Variants in DNAJC25 observed in about 807,000 individuals in gnomAD.
The protein encoded by DNAJC25 is DnaJ heat shock protein family (Hsp40) member C25, also known as dnaJ homolog subfamily C member 25.
DNAJC25 carries 26 observed loss-of-function variants against 42.1 expected under a neutral mutation model. The ratio of observed to expected loss-of-function variants is 0.62; its 90% CI spans 0.45 to 0.86. DNAJC25 has a LOEUF of 0.86. Ranked by LOEUF, DNAJC25 falls within the 40% of genes least tolerant of loss-of-function variation. DNAJC25 has a pLI of 0.00. For missense variants in DNAJC25, 404 were observed against 459.4 expected (o/e 0.88, Z 1.10); for synonymous variants, 189 against 179.9 (o/e 1.05, Z -0.40).
intron 1 of DNAJC25, among the ~76,000 whole-genome samples, chr9:111,643,837 C>A (rs1166187132): frequency 5.9e-5 from 9 of 151,976 alleles, no homozygotes; most frequent in Non-Finnish European, 1.2e-4. Flanking sequence ...GATGGTCCTT[C>A]TTATTATGTC....
At chr9:111,645,046 A>G (rs1026995326) in intron 1 of DNAJC25, among the ~76,000 whole-genome samples, 1 of 152,252 alleles carries the variant, frequency 6.6e-6, no homozygotes, top group South Asian at 2.1e-4. Context: ...AGAACATACA[A>G]GGAGTGAATC....
At chr9:111,652,746 C>G (rs1589350160) in intron 3 of DNAJC25, among the ~76,000 whole-genome samples, 1 of 151,496 alleles carries the variant, frequency 6.6e-6, no homozygotes, top group East Asian at 2.0e-4. Context: ...GGGGTTTCAC[C>G]ATGTTGGCCA....
intron 2 of DNAJC25, among the ~76,000 whole-genome samples, chr9:111,649,214 T>C (rs186942625): frequency 6.6e-6 from 1 of 152,338 alleles, no homozygotes; most frequent in Non-Finnish European, 1.5e-5. Flanking sequence ...GGTCACTGAC[T>C]GCAGCAGTGA....
At chr9:111,642,584 A>G (rs1244579949) in intron 1 of DNAJC25, among the ~76,000 whole-genome samples, 1 of 137,588 alleles carries the variant, frequency 7.3e-6, no homozygotes, top group Non-Finnish European at 1.5e-5. Context: ...CCCCTCTGTG[A>G]GAAACACCCA....
At chr9:111,640,615 G>A (rs1213599836) in intron 1 of DNAJC25, among the ~76,000 whole-genome samples, 77 of 55,870 alleles carry the variant, frequency 1.4e-3, no homozygotes, top group African/African-American at 2.3e-3. Context: ...CTGCCCGGCC[G>A]AGACCCCGTC....
chr9:111,633,666 ATGT>A (rs1830321035), intron 1 of DNAJC25, among the ~76,000 whole-genome samples: 1 of 152,148 alleles, frequency 6.6e-6, no homozygotes, highest in African/African-American at 2.4e-5. Context: ...AATGGTGAGC[ATGT>A]TGGTAAGAAC....
At position 111,654,338 on chromosome 9, in the gene DNAJC25, A is replaced by T. The variant is rs1357262071; in HGVS notation, c.*1116A>T. ...ATTGCTTCATATTAATAAAATGGTT[A>T]CAATATATCACAAGTTTGTTGATAT... On this transcript the variant is annotated 3_prime_UTR_variant, in exon 4 of 4. Coordinates refer to ENST00000313525, the MANE Select transcript of DNAJC25 (RefSeq NM_001015882.3). The T allele has an allele frequency of 6.6e-6, 1 of 152,250 alleles. No homozygotes were observed. The highest frequency in any genetic ancestry group is 1.5e-5 in the Non-Finnish European group (1 of 68,046). 9.4% of individuals were successfully genotyped at this position (152,250 alleles called of 1,614,324 possible). A position where few individuals can be genotyped will look rare whatever the true frequency, so the allele number is the denominator to read the frequency against.
chr9:111,643,303 A>G (rs1350869828), intron 1 of DNAJC25, among the ~76,000 whole-genome samples: 1 of 152,230 alleles, frequency 6.6e-6, no homozygotes, highest in Non-Finnish European at 1.5e-5. Context: ...CGTTTTTGAA[A>G]TAATGTTTAC....
At position 111,651,157 on chromosome 9, in the gene DNAJC25, G is replaced by A. The variant is rs1198037415; in HGVS notation, c.960+1234G>A. On this transcript the variant is annotated intron_variant, in intron 3 of 3. Coordinates refer to ENST00000313525, the MANE Select transcript of DNAJC25 (RefSeq NM_001015882.3). Reference sequence around the variant, plus strand: ...TGCGTGCATGTAATCCTAGCTACTCGGGAGGCTGAGGCAGGAGAATCACTC... The same window carrying A: ...TGCGTGCATGTAATCCTAGCTACTCAGGAGGCTGAGGCAGGAGAATCACTC... 2.6e-5 allele frequency among the ~76,000 whole-genome samples: 4 copies of A among 151,292 alleles called. No individual in the cohort carries two copies. In the South Asian group the frequency reaches 6.3e-4, roughly 24 times the overall value.
At chr9:111,635,895 A>T (rs928811412) in intron 1 of DNAJC25, among the ~76,000 whole-genome samples, 10 of 152,102 alleles carry the variant, frequency 6.6e-5, no homozygotes, top group Non-Finnish European at 1.0e-4. Flanking sequence ...GCAAAAAACG[A>T]TTCTGAACTC....
chr9:111,649,355 T>A, intron 2 of DNAJC25, 98 bp from the exon 3 acceptor site: 3 of 1,438,556 alleles, frequency 2.1e-6, no homozygotes, highest in Non-Finnish European at 2.7e-6. Flanking sequence ...TTGTAATGGT[T>A]TCTTGGGAGA....
At chr9:111,645,782 C>G (rs913869117) in intron 1 of DNAJC25, among the ~76,000 whole-genome samples, 3 of 150,340 alleles carry the variant, frequency 2.0e-5, no homozygotes, top group African/African-American at 7.5e-5. Context: ...ATTCATTCCT[C>G]TAAGATAAAA....
chr9:111,637,863 A>G (rs551031913), intron 1 of DNAJC25, among the ~76,000 whole-genome samples: 1 of 152,258 alleles, frequency 6.6e-6, no homozygotes, highest in African/African-American at 2.4e-5. Context: ...TGTCCTCGCC[A>G]TTTCTTTTCA....
intron 1 of DNAJC25, among the ~76,000 whole-genome samples, chr9:111,632,170 T>C: frequency 7.2e-6 from 1 of 138,778 alleles, no homozygotes; most frequent in East Asian, 2.5e-4. Flanking sequence ...GGAAATAGTG[T>C]TAATGGTGAC....
intron 1 of DNAJC25, among the ~76,000 whole-genome samples, chr9:111,641,683 G>GT (rs1564084706): frequency 1.4e-4 from 8 of 57,290 alleles, no homozygotes; most frequent in South Asian, 6.4e-4. Flanking sequence ...GTGGGGGGGG[G>GT]GTCAGCCCCC....
chr9:111,650,578 A>C (rs188507329), intron 3 of DNAJC25, among the ~76,000 whole-genome samples: 1 of 152,344 alleles, frequency 6.6e-6, no homozygotes, highest in Non-Finnish European at 1.5e-5. Context: ...TATCATAATG[A>C]CACTGTTTTA....
At chr9:111,636,991 G>A (rs116619767) in intron 1 of DNAJC25, among the ~76,000 whole-genome samples, 1 of 152,230 alleles carries the variant, frequency 6.6e-6, no homozygotes, top group African/African-American at 2.4e-5. Context: ...GCCATGACTG[G>A]CTGACATGAT....
In DNAJC25 at chr9:111,631,627, C is replaced by T; in HGVS notation, c.220C>T (p.Arg74Trp). 3 of 1,500,318 alleles carry T rather than the reference C, an allele frequency of 2.0e-6. No individual in the cohort carries two copies. The highest frequency in any genetic ancestry group is 1.4e-5 in the African/African-American group (1 of 68,966). The allele number at this position is 1,500,318 out of a possible 1,614,324, so 92.9% of individuals were successfully genotyped here. A position where few individuals can be genotyped will look rare whatever the true frequency, so the allele number is the denominator to read the frequency against. Reference protein sequence around the residue: ...EIARAYRQLARRYHPDRYRPQ... With the variant: ...EIARAYRQLAWRYHPDRYRPQ... ...CGCGCGGGCCTACCGCCAGCTGGCC[C>T]GGCGCTACCACCCTGACCGCTACCG... The change falls in exon 1 of 4, where the codon CGG (arginine) becomes TGG (tryptophan). Residue 74 changes from arginine to tryptophan, a missense_variant. Physicochemically the swap from Arg to Trp is moderately radical, Grantham distance 101. Transcript: ENST00000313525.
At chr9:111,641,752 C>T (rs1830473821) in intron 1 of DNAJC25, among the ~76,000 whole-genome samples, 1 of 125,606 alleles carries the variant, frequency 8.0e-6, no homozygotes, top group African/African-American at 3.2e-5. Context: ...GCCGCCCCTA[C>T]TGGGAAGTGA....
Sources: allele counts gnomAD v4.1 joint callset (sites outside exome capture counted in the v4.1 genomes callset), GRCh38; gene constraint gnomAD v4.1.1; transcripts MANE v1.5; gene names NCBI Gene and HGNC (gene_info 2026-07-23, HGNC 2026-07-21).